The following CDH18 variants were observed in gnomAD, a reference collection of about 807,000 sequenced individuals.
The protein encoded by CDH18 is cadherin 18, also known as cadherin-18.
In CDH18, 31 loss-of-function variants were observed where a neutral mutation model predicts 67.9. The observed-to-expected ratio is 0.46, with a 90% CI of 0.34 to 0.62. CDH18 has a LOEUF of 0.62. CDH18 is among the 20% of genes least tolerant of loss of function. The pLI is 0.01. For synonymous variants in CDH18, 362 were observed against 347.2 expected (o/e 1.04, Z -0.48); for missense variants, 890 against 975.5 (o/e 0.91, Z 1.17).
chr5:20,563,387 G>A (rs1363373386), intron 1 of CDH18, among the ~76,000 whole-genome samples: 1 of 152,094 alleles, frequency 6.6e-6, no homozygotes, highest in Admixed American at 6.6e-5. Context: ...AAGCTTAACA[G>A]AATAGGAATA....
At chr5:20,436,999 A>ATATCTGG in intron 1 of CDH18, among the ~76,000 whole-genome samples, 2 of 151,476 alleles carry the variant, frequency 1.3e-5, no homozygotes, top group African/African-American at 4.8e-5. Context: ...GACAAAACCA[A>ATATCTGG]AAAATGTACA....
At chr5:20,443,613 T>C (rs1019741954) in intron 1 of CDH18, among the ~76,000 whole-genome samples, 1 of 151,964 alleles carries the variant, frequency 6.6e-6, no homozygotes, top group African/African-American at 2.4e-5. Context: ...ATTAGGTTAT[T>C]CTTTATGAGT....
chr5:19,533,485 G>A (rs911605664), intron 9 of CDH18, among the ~76,000 whole-genome samples: 2 of 152,126 alleles, frequency 1.3e-5, no homozygotes, highest in Non-Finnish European at 2.9e-5. Flanking sequence ...TAACAGAGAT[G>A]TATTTGGAGG....
intron 1 of CDH18, among the ~76,000 whole-genome samples, chr5:20,489,810 C>T (rs538386951): frequency 6.6e-6 from 1 of 151,730 alleles, no homozygotes; most frequent in Admixed American, 6.6e-5. Flanking sequence ...TATAAAATAA[C>T]CATGGTTACT....
At chr5:20,405,032 G>C (rs1215930640) in intron 1 of CDH18, among the ~76,000 whole-genome samples, 1 of 151,810 alleles carries the variant, frequency 6.6e-6, no homozygotes, top group Non-Finnish European at 1.5e-5. Flanking sequence ...AATTTATTAA[G>C]TTCATCCCCA....
chr5:19,814,358 A>G (rs1322306776), intron 3 of CDH18, among the ~76,000 whole-genome samples: 1 of 127,026 alleles, frequency 7.9e-6, no homozygotes, highest in Non-Finnish European at 1.7e-5. Context: ...ATTATGTCCT[A>G]AAAAAAAACA....
At chr5:19,932,576 A>G (rs1038737773) in intron 2 of CDH18, among the ~76,000 whole-genome samples, 2 of 151,472 alleles carry the variant, frequency 1.3e-5, no homozygotes, top group Non-Finnish European at 3.0e-5. Flanking sequence ...CAATACACAC[A>G]CCTTGAATTT....
intron 1 of CDH18, among the ~76,000 whole-genome samples, chr5:20,389,963 C>T (rs1252731505): frequency 3.3e-5 from 5 of 152,170 alleles, no homozygotes; most frequent in African/African-American, 7.2e-5. Context: ...GGATCCCTTC[C>T]TTACACCTTA....
intron 1 of CDH18, among the ~76,000 whole-genome samples, chr5:20,474,540 T>C (rs1415364940): frequency 1.3e-5 from 2 of 152,148 alleles, no homozygotes; most frequent in Non-Finnish European, 2.9e-5. Flanking sequence ...TATAGTCAAA[T>C]TGATTAATTT....
At position 20,273,450 on chromosome 5, in the gene CDH18, C is replaced by T. The variant is rs1006582486; in HGVS notation, c.-579-17945G>A. Among the ~76,000 whole-genome samples, 3 of 151,776 alleles carry T rather than the reference C, an allele frequency of 2.0e-5. No homozygotes were observed. In the East Asian group the frequency reaches 5.8e-4, roughly 29 times the overall value. On this transcript the variant is annotated intron_variant, in intron 1 of 14. Coordinates refer to the CDH18 transcript ENST00000507958. ...ACTCAAGAAGCAATATGAAATGGTT[C>T]AGAAAAATATTAAAATGATCAATCA...
chr5:20,049,634 G>C (rs543123037), intron 2 of CDH18, among the ~76,000 whole-genome samples: 1 of 151,866 alleles, frequency 6.6e-6, no homozygotes, highest in South Asian at 2.1e-4. Flanking sequence ...CCTAAAAAGA[G>C]CACATGTATA....
At chr5:19,542,283 G>T (rs1750400781) in intron 9 of CDH18, among the ~76,000 whole-genome samples, 1 of 152,106 alleles carries the variant, frequency 6.6e-6, no homozygotes, top group African/African-American at 2.4e-5. Context: ...AGTAACAAAT[G>T]TTGGTGGAAA....
At chr5:19,731,807 T>C (rs1213564221) in intron 4 of CDH18, among the ~76,000 whole-genome samples, 1 of 152,172 alleles carries the variant, frequency 6.6e-6, no homozygotes, top group Non-Finnish European at 1.5e-5. Flanking sequence ...AATTAATGCA[T>C]GAGTCTGCAT....
chr5:20,415,149 G>T (rs1345422020), intron 1 of CDH18, among the ~76,000 whole-genome samples: 1 of 152,124 alleles, frequency 6.6e-6, no homozygotes, highest in African/African-American at 2.4e-5. Context: ...ACTTTGGGAG[G>T]CTGAGGCGGG....
At chr5:20,195,340 C>T (rs1165115830) in intron 2 of CDH18, among the ~76,000 whole-genome samples, 6 of 151,970 alleles carry the variant, frequency 3.9e-5, no homozygotes, top group African/African-American at 1.4e-4. Flanking sequence ...CATTATGTCT[C>T]TATAATGTCT....
intron 1 of CDH18, among the ~76,000 whole-genome samples, chr5:20,389,732 A>G (rs1350887096): frequency 2.6e-5 from 4 of 152,168 alleles, no homozygotes; most frequent in African/African-American, 9.7e-5. Flanking sequence ...ACCTGACTTC[A>G]AACTATACTA....
At chr5:20,018,510 C>T (rs1389570170) in intron 2 of CDH18, among the ~76,000 whole-genome samples, 1 of 152,144 alleles carries the variant, frequency 6.6e-6, no homozygotes, top group Non-Finnish European at 1.5e-5. Context: ...AGTTCATGTA[C>T]ATAAAGTATG....
intron 1 of CDH18, among the ~76,000 whole-genome samples, chr5:20,348,089 C>G (rs1740855887): frequency 6.6e-6 from 1 of 152,140 alleles, no homozygotes; most frequent in Non-Finnish European, 1.5e-5. Flanking sequence ...TAATGCATTA[C>G]TGTTATAAGA....
chr5:19,630,114 T>A (rs115229510), intron 5 of CDH18, among the ~76,000 whole-genome samples: 5,178 of 151,988 alleles, frequency 0.034, 295 homozygotes, highest in African/African-American at 0.12. Context: ...TTTGTTTTTT[T>A]AATTTTTAGT....
Sources: allele counts gnomAD v4.1 joint callset (sites outside exome capture counted in the v4.1 genomes callset), GRCh38; gene constraint gnomAD v4.1.1; transcripts MANE v1.5; gene names NCBI Gene and HGNC (gene_info 2026-07-23, HGNC 2026-07-21).